Variants in FGGY observed in about 807,000 individuals in gnomAD.
FGGY encodes FGGY carbohydrate kinase domain-containing protein.
In FGGY, 72 loss-of-function variants were observed where a neutral mutation model predicts 71.3. The observed-to-expected ratio is 1.01, with a 90% confidence interval of 0.84 to 1.23. The LOEUF (loss-of-function observed/expected upper bound fraction) is 1.23, where lower values mean the gene tolerates loss of function less well. Among genes scored for constraint, FGGY ranks in the 50% most tolerant of loss-of-function variants. The probability of loss-of-function intolerance (pLI) is 0.00; values close to 1 mark genes in which losing one functional copy is unlikely to be tolerated. For synonymous variants in FGGY, 251 were observed against 250.3 expected (o/e 1.00, Z -0.02); for missense variants, 668 against 682.3 (o/e 0.98, Z 0.23).
intron 13 of FGGY, among the ~76,000 whole-genome samples, chr1:59,671,793 G>A (rs1224049002): frequency 1.3e-5 from 2 of 152,130 alleles, no homozygotes; most frequent in Admixed American, 6.5e-5. Flanking sequence ...GCTGAGGCAC[G>A]GAAAGATTAG....
chr1:59,596,705 G>A (rs1251186834), intron 8 of FGGY, among the ~76,000 whole-genome samples: 3 of 152,124 alleles, frequency 2.0e-5, no homozygotes, highest in Non-Finnish European at 4.4e-5. Context: ...TGGCTTCCAG[G>A]CACCCAGGCC....
At chr1:59,365,399 T>C (rs1448764260) in intron 4 of FGGY, among the ~76,000 whole-genome samples, 2 of 152,174 alleles carry the variant, frequency 1.3e-5, no homozygotes, top group Admixed American at 1.3e-4. Context: ...TCATGTCTGC[T>C]CCAAGACCTG....
Position 59,488,935 on chromosome 1 carries a change from A to G in FGGY, c.671-23376A>G, listed in dbSNP as rs1025107405. 4.6e-5 allele frequency among the ~76,000 whole-genome samples: 7 copies of G among 152,240 alleles called. No individual in the cohort carries two copies. The East Asian group carries it at 5.8e-4, about 13-fold the overall frequency. On this transcript the variant is annotated intron_variant, in intron 6 of 15. Coordinates refer to ENST00000303721, the MANE Select transcript of FGGY (RefSeq NM_018291.5). ...CAACAGTCCATAAGATTATAAAGCAATGGAAAATAGCATGTCCTTTCTGTT... is the reference window on the plus strand; with the variant it reads ...CAACAGTCCATAAGATTATAAAGCAGTGGAAAATAGCATGTCCTTTCTGTT...
chr1:59,453,513 A>G (rs1171329629), intron 5 of FGGY, among the ~76,000 whole-genome samples: 1 of 152,116 alleles, frequency 6.6e-6, no homozygotes, highest in Admixed American at 6.5e-5. Flanking sequence ...GTCCTAGGTG[A>G]TCCTTCTGGT....
At chr1:59,731,505 C>A (rs1406080882) in intron 14 of FGGY, among the ~76,000 whole-genome samples, 1 of 152,098 alleles carries the variant, frequency 6.6e-6, no homozygotes, top group African/African-American at 2.4e-5. Context: ...CCAGATTTTC[C>A]CCTAACCTTA....
At chr1:59,453,694 C>A (rs2091416176) in intron 5 of FGGY, among the ~76,000 whole-genome samples, 1 of 152,068 alleles carries the variant, frequency 6.6e-6, no homozygotes, top group Admixed American at 6.5e-5. Context: ...ATGGCAGTGC[C>A]AGAGGTGCAA....
chr1:59,467,957 G>A (rs1237716063), intron 6 of FGGY, among the ~76,000 whole-genome samples: 7 of 151,210 alleles, frequency 4.6e-5, no homozygotes, highest in African/African-American at 1.5e-4. Context: ...AGGCTGGAAT[G>A]CAAGGGCATA....
At chr1:59,588,910 A>T (rs553127603) in intron 8 of FGGY, among the ~76,000 whole-genome samples, 59 of 152,290 alleles carry the variant, frequency 3.9e-4, no homozygotes, top group East Asian at 1.7e-3. Context: ...GCTAACATCA[A>T]AATGACAGGA....
At chr1:59,651,470 CTCT>C (rs2097160189) in intron 11 of FGGY, among the ~76,000 whole-genome samples, 1 of 147,666 alleles carries the variant, frequency 6.8e-6, no homozygotes, top group Admixed American at 6.7e-5. Flanking sequence ...GGATAGTTAG[CTCT>C]TCTTGTTGAA....
In FGGY at chr1:59,325,163, T is replaced by C. The variant is rs111650213; in HGVS notation, c.201+3413T>C. On this transcript the variant is annotated intron_variant, in intron 2 of 15. Coordinates refer to ENST00000303721, the MANE Select transcript of FGGY (RefSeq NM_018291.5). ...GGTCAGGAGATTGAGACCATCCTGG[T>C]TAACATGGTGAAACCCTGTCTCTAC... is the stretch of plus-strand genomic sequence containing the variant. Among the ~76,000 whole-genome samples the C allele has an allele frequency of 7.0e-4, 106 of 151,810 alleles. 1 individual carries two copies. The highest frequency in any genetic ancestry group is 1.7e-3 in the South Asian group (8 of 4,782).
chr1:59,507,619 G>A (rs1343469742), intron 6 of FGGY, among the ~76,000 whole-genome samples: 2 of 151,180 alleles, frequency 1.3e-5, no homozygotes, highest in African/African-American at 2.4e-5. Context: ...CTGGGTTCAA[G>A]CGATTCTCCT....
chr1:59,296,813 G>A (rs1350907486), upstream of FGGY: 1 of 152,762 alleles, frequency 6.5e-6, no homozygotes, highest in Non-Finnish European at 1.5e-5. Context: ...GGCTGTAGCC[G>A]CCCCGGGACC....
chr1:59,628,012 C>T (rs2096875608), intron 10 of FGGY, among the ~76,000 whole-genome samples: 1 of 152,080 alleles, frequency 6.6e-6, no homozygotes. Flanking sequence ...ATTAGGTAAA[C>T]ACTACAGAGA....
Position 59,762,642 on chromosome 1 carries a change from C to A in FGGY, c.*58C>A. 1 of 964,086 alleles carries A rather than the reference C, an allele frequency of 1.0e-6. No homozygotes were observed. Among genetic ancestry groups the A allele is most frequent in the South Asian group, 1.6e-5 (1 of 62,836 alleles). 59.7% of individuals were successfully genotyped at this position (964,086 alleles called of 1,614,324 possible). A position where few individuals can be genotyped will look rare whatever the true frequency, so the allele number is the denominator to read the frequency against. ...CTGTGCCATTGCATTAAAGACTTGT[C>A]ATTTGATCCATGTTCAAGACCCTTG... On this transcript the variant is annotated 3_prime_UTR_variant, in exon 16 of 16. Coordinates refer to ENST00000303721, the MANE Select transcript of FGGY (RefSeq NM_018291.5).
chr1:59,372,631 C>A (rs1245339992), intron 4 of FGGY, among the ~76,000 whole-genome samples: 1 of 152,138 alleles, frequency 6.6e-6, no homozygotes, highest in Non-Finnish European at 1.5e-5. Context: ...GACCAATATC[C>A]TTGATGAACA....
At chr1:59,429,120 A>G (rs1417669335) in intron 5 of FGGY, among the ~76,000 whole-genome samples, 2 of 152,204 alleles carry the variant, frequency 1.3e-5, no homozygotes, top group Non-Finnish European at 2.9e-5. Context: ...GTACAAGACA[A>G]TCACATGTAT....
chr1:59,409,601 TA>T (rs1557834214), intron 5 of FGGY, among the ~76,000 whole-genome samples: 5 of 57,264 alleles, frequency 8.7e-5, no homozygotes, highest in African/African-American at 4.6e-4. Context: ...GAGTTTTTTA[TA>T]TATATATATA....
At chr1:59,312,346 G>T (rs1328931749) in intron 1 of FGGY, among the ~76,000 whole-genome samples, 1 of 152,114 alleles carries the variant, frequency 6.6e-6, no homozygotes, top group Non-Finnish European at 1.5e-5. Flanking sequence ...TAAGGGCTTT[G>T]TGACTATCAA....
intron 14 of FGGY, chr1:59,699,306 T>G: frequency 1.0e-6 from 1 of 984,504 alleles, no homozygotes; most frequent in Non-Finnish European, 1.2e-6. Context: ...TTAGAGATAC[T>G]AAATTGTTTG....
Sources: allele counts gnomAD v4.1 joint callset (sites outside exome capture counted in the v4.1 genomes callset), GRCh38; gene constraint gnomAD v4.1.1; transcripts MANE v1.5; gene names NCBI Gene and HGNC (gene_info 2026-07-23, HGNC 2026-07-21).